The following MNAT1 variants were observed in gnomAD, a reference collection of about 807,000 sequenced individuals.
MNAT1 encodes the protein MNAT1 component of CDK activating kinase, also known as CDK-activating kinase assembly factor MAT1.
Under a neutral mutation model 42.0 loss-of-function variants are expected in MNAT1, and 43 were observed. The observed-to-expected ratio is 1.02, with a 90% confidence interval of 0.80 to 1.32. The LOEUF (loss-of-function observed/expected upper bound fraction) is 1.32, where lower values mean the gene tolerates loss of function less well. Among genes scored for constraint, MNAT1 ranks in the 40% most tolerant of loss-of-function variants. The pLI is 0.00. For synonymous variants in MNAT1, 118 were observed against 120.0 expected, an observed-to-expected ratio of 0.98 and a Z score of 0.11; for missense variants, 306 against 350.4, an observed-to-expected ratio of 0.87 and a Z score of 1.01.
rs183259414 is a variant in MNAT1 at position 60,958,027 on chromosome 14, A to G, written c.810-10202A>G. Among the ~76,000 whole-genome samples the G allele has an allele frequency of 3.7e-3, 570 of 152,142 alleles. 5 individuals are homozygous for G. Among genetic ancestry groups the G allele is most frequent in the African/African-American group, 0.013 (523 of 41,516 alleles). On this transcript the variant is annotated intron_variant, in intron 7 of 7. Transcript: ENST00000261245. Reference sequence around the variant, plus strand: ...TAATTTTGTATTTTTACTACAGACAAGGTTTCTCCATGTTGGTCAGGCTGG... The same window carrying G: ...TAATTTTGTATTTTTACTACAGACAGGGTTTCTCCATGTTGGTCAGGCTGG...
chr14:60,817,576 G>A (rs2032753474), intron 5 of MNAT1, among the ~76,000 whole-genome samples: 1 of 151,932 alleles, frequency 6.6e-6, no homozygotes, highest in African/African-American at 2.4e-5. Flanking sequence ...TTGCTTATTT[G>A]AGTTATTTCT....
intron 1 of MNAT1, among the ~76,000 whole-genome samples, chr14:60,747,227 G>A (rs1262203157): frequency 1.3e-5 from 2 of 151,728 alleles, no homozygotes; most frequent in Admixed American, 6.6e-5. Flanking sequence ...CTTGTGATCT[G>A]CCCGCCCTGG....
At chr14:60,831,371 C>T (rs1449629108) in intron 6 of MNAT1, among the ~76,000 whole-genome samples, 1 of 152,098 alleles carries the variant, frequency 6.6e-6, no homozygotes, top group Non-Finnish European at 1.5e-5. Flanking sequence ...TGTTCCCCTC[C>T]CTGTGTCCAT....
intron 6 of MNAT1, among the ~76,000 whole-genome samples, chr14:60,833,371 A>G (rs1247127781): frequency 1.3e-5 from 2 of 152,194 alleles, no homozygotes; most frequent in Non-Finnish European, 2.9e-5. Context: ...TAGTTTATTG[A>G]AAGTTTTTAG....
Position 60,784,356 on chromosome 14 carries a change from T to A in MNAT1, c.90-11861T>A, listed in dbSNP as rs917762360. ...TAACTAAAAACATTTTTTTTTTTTT[T>A]AAATAGAGATGAGGGTCTTGCTGTG... On this transcript the variant is annotated intron_variant, in intron 1 of 7. Transcript: ENST00000261245. 2.4e-4 allele frequency among the ~76,000 whole-genome samples: 36 copies of A among 150,708 alleles called. No individual in the cohort carries two copies. In the South Asian group the frequency reaches 4.2e-3, roughly 18 times the overall value.
intron 6 of MNAT1, among the ~76,000 whole-genome samples, chr14:60,847,231 C>T (rs767483284): frequency 9.9e-5 from 15 of 151,978 alleles, no homozygotes; most frequent in South Asian, 4.2e-4. Flanking sequence ...GGTGAAACCC[C>T]GTCTCTACTA....
At chr14:60,820,213 T>C (rs2032841811) in intron 6 of MNAT1, among the ~76,000 whole-genome samples, 1 of 152,056 alleles carries the variant, frequency 6.6e-6, no homozygotes, top group Non-Finnish European at 1.5e-5. Context: ...GATGACACAA[T>C]GTAGCTACAA....
intron 1 of MNAT1, among the ~76,000 whole-genome samples, chr14:60,755,291 G>A (rs2030295213): frequency 6.6e-6 from 1 of 152,140 alleles, no homozygotes; most frequent in East Asian, 1.9e-4. Flanking sequence ...CTGCAGGCAC[G>A]TGCCACCACA....
intron 6 of MNAT1, among the ~76,000 whole-genome samples, chr14:60,837,843 G>A (rs755745824): frequency 6.6e-6 from 1 of 152,172 alleles, no homozygotes; most frequent in Non-Finnish European, 1.5e-5. Context: ...CTTAAAAGGA[G>A]CAAGAGCTTT....
intron 6 of MNAT1, among the ~76,000 whole-genome samples, chr14:60,855,081 G>C (rs112809113): frequency 5.3e-5 from 8 of 152,230 alleles, no homozygotes; most frequent in African/African-American, 1.7e-4. Flanking sequence ...TGAATTCTGC[G>C]CAGTTCAGAC....
chr14:60,760,243 C>G (rs966584718), intron 1 of MNAT1, among the ~76,000 whole-genome samples: 1 of 151,844 alleles, frequency 6.6e-6, no homozygotes, highest in African/African-American at 2.4e-5. Context: ...TGCTTTACCT[C>G]CTTTTTAGCA....
At chr14:60,890,723 A>G (rs543690737) in intron 7 of MNAT1, among the ~76,000 whole-genome samples, 14 of 152,314 alleles carry the variant, frequency 9.2e-5, no homozygotes, top group African/African-American at 3.1e-4. Flanking sequence ...TGGGAGAAAG[A>G]TGAAGTCTGG....
intron 7 of MNAT1, among the ~76,000 whole-genome samples, chr14:60,934,241 A>G (rs986166121): frequency 1.3e-5 from 2 of 152,218 alleles, no homozygotes; most frequent in African/African-American, 2.4e-5. Context: ...CAGGAGATGC[A>G]TATTTCTTAC....
chr14:60,926,502 T>C (rs986673287), intron 7 of MNAT1, among the ~76,000 whole-genome samples: 43 of 152,298 alleles, frequency 2.8e-4, no homozygotes, highest in African/African-American at 1.0e-3. Context: ...TTTGATTAAT[T>C]TGCTAGGGCG....
intron 1 of MNAT1, among the ~76,000 whole-genome samples, chr14:60,775,371 C>A (rs1228152760): frequency 6.6e-6 from 1 of 152,096 alleles, no homozygotes; most frequent in African/African-American, 2.4e-5. Context: ...AAAGACTAAT[C>A]AGAATGAGTT....
chr14:60,867,299 G>C (rs1316979045), intron 6 of MNAT1, among the ~76,000 whole-genome samples: 2 of 151,820 alleles, frequency 1.3e-5, no homozygotes, highest in Non-Finnish European at 2.9e-5. Context: ...TTTTTATTTT[G>C]AAGAAGCCAG....
chr14:60,813,191 G>A (rs1359395759), intron 5 of MNAT1, among the ~76,000 whole-genome samples: 2 of 152,224 alleles, frequency 1.3e-5, no homozygotes, highest in South Asian at 2.1e-4. Flanking sequence ...GTTTGCTTCT[G>A]TGTCCGTGCC....
chr14:60,904,425 T>C (rs779857864), intron 7 of MNAT1, among the ~76,000 whole-genome samples: 59 of 152,226 alleles, frequency 3.9e-4, no homozygotes, highest in Admixed American at 9.2e-4. Flanking sequence ...AACTCACATA[T>C]CTAACATGAA....
At chr14:60,907,646 G>A (rs2035232094) in intron 7 of MNAT1, among the ~76,000 whole-genome samples, 1 of 151,500 alleles carries the variant, frequency 6.6e-6, no homozygotes, top group Non-Finnish European at 1.5e-5. Context: ...GCAGGGCATG[G>A]TGGTGTATGC....
Sources: allele counts gnomAD v4.1 joint callset (sites outside exome capture counted in the v4.1 genomes callset), GRCh38; gene constraint gnomAD v4.1.1; transcripts MANE v1.5; gene names NCBI Gene and HGNC (gene_info 2026-07-23, HGNC 2026-07-21).